NUAK1: variants seen among roughly 807,000 people sequenced by gnomAD.
NUAK1 encodes NUAK family SNF1-like kinase 1.
NUAK1 carries 26 observed loss-of-function variants against 56.9 expected under a neutral mutation model. The observed-to-expected ratio is 0.46, with a 90% CI of 0.33 to 0.63. The LOEUF (loss-of-function observed/expected upper bound fraction) is 0.63, where lower values mean the gene tolerates loss of function less well. Ranked by LOEUF, NUAK1 falls within the 30% of genes least tolerant of loss-of-function variation. The probability of loss-of-function intolerance (pLI) is 0.02; values close to 1 mark genes in which losing one functional copy is unlikely to be tolerated. For synonymous variants in NUAK1, 337 were observed against 336.0 expected (o/e 1.00, Z -0.03); for missense variants, 727 against 876.1 (o/e 0.83, Z 2.15).
intron 1 of NUAK1, among the ~76,000 whole-genome samples, chr12:106,134,712 C>T (rs1357501743): frequency 1.3e-5 from 2 of 152,146 alleles, no homozygotes; most frequent in Non-Finnish European, 2.9e-5. Context: ...GAGCTTAGCT[C>T]AAAGAAAATG....
At chr12:106,080,142 G>A (rs546549341) in intron 4 of NUAK1, among the ~76,000 whole-genome samples, 2 of 152,296 alleles carry the variant, frequency 1.3e-5, no homozygotes, top group Non-Finnish European at 2.9e-5. Context: ...TGCCCCACTT[G>A]GTCTTATTAA....
At chr12:106,136,321 C>A (rs550380006) in intron 1 of NUAK1, among the ~76,000 whole-genome samples, 1 of 152,314 alleles carries the variant, frequency 6.6e-6, no homozygotes, top group South Asian at 2.1e-4. Flanking sequence ...AGCGGGACTT[C>A]AGATTTGCGG....
intron 3 of NUAK1, among the ~76,000 whole-genome samples, 176 bp downstream of exon 3, chr12:106,086,558 A>G (rs1354141343): frequency 2.0e-5 from 3 of 152,226 alleles, no homozygotes; most frequent in Admixed American, 6.5e-5. Context: ...AAAAATGTCA[A>G]AAATAGATTA....
chr12:106,068,838 T>C (rs1313158514), intron 6 of NUAK1, among the ~76,000 whole-genome samples: 1 of 152,246 alleles, frequency 6.6e-6, no homozygotes, highest in Non-Finnish European at 1.5e-5. Flanking sequence ...CAGCTGCTTA[T>C]GTAAGCGAAT....
intron 1 of NUAK1, among the ~76,000 whole-genome samples, chr12:106,114,525 T>C (rs1312107856): frequency 6.6e-6 from 1 of 152,232 alleles, no homozygotes; most frequent in African/African-American, 2.4e-5. Flanking sequence ...TGAGGACTGT[T>C]ATCATGAGTA....
intron 2 of NUAK1, among the ~76,000 whole-genome samples, chr12:106,088,419 G>A (rs572745831): frequency 5.9e-5 from 9 of 152,112 alleles, no homozygotes; most frequent in Non-Finnish European, 8.8e-5. Context: ...TTTCCACAGC[G>A]CCCCTCCCAC....
intron 5 of NUAK1, among the ~76,000 whole-genome samples, chr12:106,071,428 T>C (rs2032405923): frequency 6.6e-6 from 1 of 152,214 alleles, no homozygotes; most frequent in Admixed American, 6.5e-5. Context: ...ATTGGGGTTA[T>C]GACATAGAGT....
intron 1 of NUAK1, among the ~76,000 whole-genome samples, chr12:106,131,308 C>T (rs1445911107): frequency 2.6e-5 from 4 of 152,036 alleles, no homozygotes; most frequent in South Asian, 2.1e-4. Context: ...TTTTCAGCAC[C>T]CCCCAGAAAA....
At chr12:106,125,631 C>T (rs60414172) in intron 1 of NUAK1, among the ~76,000 whole-genome samples, 6,384 of 152,224 alleles carry the variant, frequency 0.042, 431 homozygotes, top group African/African-American at 0.15. Flanking sequence ...AAAAATGCTC[C>T]CTCTGCTCTG....
chr12:106,088,400 C>T (rs1175646244), intron 2 of NUAK1, among the ~76,000 whole-genome samples: 1 of 152,184 alleles, frequency 6.6e-6, no homozygotes, highest in Non-Finnish European at 1.5e-5. Flanking sequence ...AGACTGTGCT[C>T]ATATGTGGTT....
chr12:106,128,090 T>C (rs2033040875), intron 1 of NUAK1, among the ~76,000 whole-genome samples: 1 of 152,112 alleles, frequency 6.6e-6, no homozygotes, highest in Non-Finnish European at 1.5e-5. Context: ...TTCATGTTCT[T>C]TCAAACCCAG....
chr12:106,087,371 G>C (rs2032583826), intron 2 of NUAK1, among the ~76,000 whole-genome samples: 2 of 152,064 alleles, frequency 1.3e-5, no homozygotes, highest in South Asian at 4.2e-4. Flanking sequence ...CTTTTAATGT[G>C]GCCCACCAAG....
intron 1 of NUAK1, among the ~76,000 whole-genome samples, chr12:106,118,068 G>A (rs113151315): frequency 0.028 from 4,233 of 152,160 alleles, 96 homozygotes; most frequent in Middle Eastern, 0.054. Context: ...TGCTGAAGTC[G>A]GGCAGTCTAC....
chr12:106,069,442 G>C (rs2032380936), intron 6 of NUAK1, among the ~76,000 whole-genome samples: 1 of 152,130 alleles, frequency 6.6e-6, no homozygotes, highest in Non-Finnish European at 1.5e-5. Context: ...CTGAAGCACT[G>C]TTCAGTGTTC....
At chr12:106,125,038 C>A (rs1321365700) in intron 1 of NUAK1, among the ~76,000 whole-genome samples, 2 of 134,854 alleles carry the variant, frequency 1.5e-5, no homozygotes, top group East Asian at 4.5e-4. Flanking sequence ...AAATAAATAT[C>A]TGTTGAATGG....
chr12:106,121,437 T>C (rs894999537), intron 1 of NUAK1, among the ~76,000 whole-genome samples: 1 of 152,140 alleles, frequency 6.6e-6, no homozygotes, highest in African/African-American at 2.4e-5. Flanking sequence ...AGGGGTCTCC[T>C]GTCTTTCTAA....
At chr12:106,096,220 T>C (rs899516222) in intron 2 of NUAK1, among the ~76,000 whole-genome samples, 5 of 152,092 alleles carry the variant, frequency 3.3e-5, no homozygotes, top group African/African-American at 4.8e-5. Flanking sequence ...CTAGAAAATA[T>C]TGAATTCCAG....
rs372547044 is a variant in NUAK1, at chr12:106,083,963, G to A, written c.514-34C>T. The A allele has an allele frequency of 1.2e-5, 19 of 1,568,414 alleles. No homozygotes were observed. In the African/African-American group the frequency reaches 2.6e-4, roughly 21 times the overall value. ...AGAAGACAAAGAGGGAATTGAATGG[G>A]AGCGGCTGGGATGAGAACAAGAGAG... On this transcript the variant is annotated intron_variant, in intron 3 of 6. Coordinates refer to ENST00000261402, the MANE Select transcript of NUAK1 (RefSeq NM_014840.3).
chr12:106,122,812 T>C (rs774834194), intron 1 of NUAK1, among the ~76,000 whole-genome samples: 51 of 152,306 alleles, frequency 3.3e-4, no homozygotes, highest in Non-Finnish European at 6.2e-4. Flanking sequence ...AATCAGACTC[T>C]CTGAGGTCAG....
Sources: allele counts gnomAD v4.1 joint callset (sites outside exome capture counted in the v4.1 genomes callset), GRCh38; gene constraint gnomAD v4.1.1; transcripts MANE v1.5; gene names NCBI Gene and HGNC (gene_info 2026-07-23, HGNC 2026-07-21).